Variants in EML6 observed in about 807,000 individuals in gnomAD.
EML6 encodes the protein echinoderm microtubule-associated protein-like 6.
Under a neutral mutation model 240.1 loss-of-function variants are expected in EML6, and 154 were observed. That is an observed-to-expected ratio of 0.64 (90% CI 0.56 to 0.73). The LOEUF (loss-of-function observed/expected upper bound fraction) is 0.73. Ranked by LOEUF, EML6 falls within the 30% of genes least tolerant of loss-of-function variation. The pLI is 0.00. For synonymous variants in EML6, 1,148 were observed against 899.0 expected, an observed-to-expected ratio of 1.28 and a Z score of -4.95; for missense variants, 2,964 against 2,474.6, an observed-to-expected ratio of 1.20 and a Z score of -4.20.
At chr2:54,949,138 G>A (rs558401600) in intron 29 of EML6, among the ~76,000 whole-genome samples, 178 bp downstream of exon 29, 1 of 152,014 alleles carries the variant, frequency 6.6e-6, no homozygotes, top group African/African-American at 2.4e-5. Context: ...GACCAGAGTC[G>A]CAGCCACTGT....
Position 54,959,220 on chromosome 2 carries a change from C to A in EML6, c.4812C>A (p.Thr1604=). ...HTGPVFTMYT[T]LRDGLIVTGG... is the part of the protein sequence containing the mutation. ...GCCCCGTGTTCACAATGTACACAACCCTTCGGGATGGACTCATAGTGACCG... is the reference window on the plus strand; with the variant it reads ...GCCCCGTGTTCACAATGTACACAACACTTCGGGATGGACTCATAGTGACCG... The change falls in exon 34 of 42, where the codon ACC becomes ACA. Residue 1604 remains threonine (T), a synonymous_variant. Coordinates refer to ENST00000356458, the MANE Select transcript of EML6 (RefSeq NM_001039753.4). 1 of 1,551,054 alleles carries A rather than the reference C, an allele frequency of 6.4e-7. No homozygotes were observed. The highest frequency in any genetic ancestry group is 8.7e-7 in the Non-Finnish European group (1 of 1,146,718).
At chr2:54,834,341 T>G (rs1469998910) in intron 7 of EML6, among the ~76,000 whole-genome samples, 1 of 152,136 alleles carries the variant, frequency 6.6e-6, no homozygotes, top group East Asian at 1.9e-4. Context: ...TTGAGTAACT[T>G]ATAGTGGTGG....
Position 54,962,673 on chromosome 2 carries a change from A to G in EML6, c.5119A>G (p.Asn1707Asp), listed in dbSNP as rs1310363089. ...CAAGGACCTCTTCATCTCTGCCAGC[A>G]ACGATGGCACAGCCCGGATCTGGGA... The part of the protein sequence containing the change: ...PSKDLFISAS[N>D]DGTARIWDLA... The change falls in exon 36 of 42, where the codon AAC (asparagine) becomes GAC (aspartate). Residue 1707 changes from asparagine to aspartate, a missense_variant. Physicochemically the swap from Asn to Asp is conservative, Grantham distance 23. Transcript: ENST00000356458. 1 of 1,528,910 alleles carries G rather than the reference A, an allele frequency of 6.5e-7. No individual in the cohort carries two copies. Among genetic ancestry groups the G allele is most frequent in the Non-Finnish European group, 8.8e-7 (1 of 1,135,872 alleles). The allele number at this position is 1,528,910 out of a possible 1,614,324, so 94.7% of individuals were successfully genotyped here. A position where few individuals can be genotyped will look rare whatever the true frequency, so the allele number is the denominator to read the frequency against.
intron 26 of EML6, among the ~76,000 whole-genome samples, chr2:54,927,476 T>G (rs926584421): frequency 2.0e-4 from 31 of 152,206 alleles, no homozygotes; most frequent in African/African-American, 6.8e-4. Flanking sequence ...AGGTATTCCC[T>G]CGGAGTCGCT....
chr2:54,871,979 A>C (rs1002136677), intron 16 of EML6, among the ~76,000 whole-genome samples: 1 of 152,214 alleles, frequency 6.6e-6, no homozygotes, highest in Non-Finnish European at 1.5e-5. Flanking sequence ...TCAGAACATC[A>C]ATTTCATCTC....
At position 54,947,860 on chromosome 2, in the gene EML6, C is replaced by A. The variant is rs145405712; in HGVS notation, c.4005-1022C>A. On this transcript the variant is annotated intron_variant, in intron 28 of 41. Coordinates refer to ENST00000356458, the MANE Select transcript of EML6 (RefSeq NM_001039753.4). ...GCACTCTTTCATTTCTGTTTTAGTT[C>A]TTTGCTGGCATGCTGGGGAAGCATG... Among the ~76,000 whole-genome samples, 323 of 152,236 alleles carry A rather than the reference C, an allele frequency of 2.1e-3. 1 individual carries two copies. Among genetic ancestry groups the A allele is most frequent in the African/African-American group, 6.8e-3 (283 of 41,530 alleles).
chr2:54,889,794 C>T (rs886374079), intron 17 of EML6, among the ~76,000 whole-genome samples: 1 of 152,094 alleles, frequency 6.6e-6, no homozygotes, highest in African/African-American at 2.4e-5. Context: ...TTTATATGTT[C>T]AATACGATGT....
intron 2 of EML6, among the ~76,000 whole-genome samples, chr2:54,762,683 A>C (rs1267397404): frequency 6.6e-6 from 1 of 152,160 alleles, no homozygotes; most frequent in Non-Finnish European, 1.5e-5. Context: ...TAGGAACTCC[A>C]TTTATCTATT....
rs1275159848 is a variant in EML6, at chr2:54,959,214, C to T, written c.4806C>T (p.Tyr1602=). 1.9e-6 allele frequency: 3 copies of T among 1,551,470 alleles called. No homozygotes were observed. Among genetic ancestry groups the T allele is most frequent in the Non-Finnish European group, 2.6e-6 (3 of 1,146,904 alleles). ...KAHTGPVFTM[Y]TTLRDGLIVT... ...ACACAGGCCCCGTGTTCACAATGTA[C>T]ACAACCCTTCGGGATGGACTCATAG... The change falls in exon 34 of 42, where the codon TAC becomes TAT. Residue 1602 remains tyrosine (Y), a synonymous_variant. Coordinates refer to ENST00000356458, the MANE Select transcript of EML6 (RefSeq NM_001039753.4).
At position 54,849,967 on chromosome 2, in the gene EML6, T is replaced by C. The variant is rs989836927; in HGVS notation, c.1193T>C (p.Met398Thr). The change falls in exon 10 of 42, where the codon ATG becomes ACG. Residue 398 changes from methionine (M) to threonine (T), a missense_variant. Physicochemically the swap from Met to Thr is moderately conservative, Grantham distance 81 (BLOSUM62 -1). Coordinates refer to ENST00000356458, the MANE Select transcript of EML6 (RefSeq NM_001039753.4). ...GSFIVLRVRDMTEVVHIKDRK... is the reference protein window; with the variant it reads ...GSFIVLRVRDTTEVVHIKDRK... ...TTTGCTTTTTATTCTTACAGAGATA[T>C]GACAGAAGTAGTTCACATCAAAGAT... is the stretch of plus-strand genomic sequence containing the variant. The C allele has an allele frequency of 2.6e-6, 4 of 1,550,922 alleles. No individual in the cohort carries two copies. The Admixed American group carries it at 5.9e-5, about 23-fold the overall frequency.
At chr2:54,871,236 G>A (rs1419010609) in intron 15 of EML6, among the ~76,000 whole-genome samples, 5 of 152,180 alleles carry the variant, frequency 3.3e-5, no homozygotes. Flanking sequence ...AGGCACAGTG[G>A]ACATTTGAAT....
rs1558602998 is a variant in EML6, at chr2:54,844,053, C to G, written c.854C>G (p.Ser285Cys). 6.5e-7 allele frequency: 1 copy of G among 1,548,458 alleles called. No homozygotes were observed. The highest frequency in any genetic ancestry group is 1.2e-5 in the South Asian group (1 of 83,964). Reference sequence around the variant, plus strand: ...TTTTACTTATTTTTGTCAGGCCTCTCTATCCGGAGCGTGTGCTGGAAAGCA... The same window carrying G: ...TTTTACTTATTTTTGTCAGGCCTCTGTATCCGGAGCGTGTGCTGGAAAGCA... ...RETEQGYKGL[S>C]IRSVCWKADR... Residue 285 changes from serine (S) to cysteine (C), a missense_variant, in exon 8 of 42, where the codon TCT becomes TGT. Ser to Cys is a moderately radical substitution (Grantham distance 112). Coordinates refer to ENST00000356458, the MANE Select transcript of EML6 (RefSeq NM_001039753.4).
intron 17 of EML6, chr2:54,880,652 C>G (rs1671764145): frequency 6.6e-6 from 1 of 152,166 alleles, no homozygotes; most frequent in South Asian, 2.1e-4. Context: ...CATAAATCTG[C>G]CTGCCCAAGT....
At chr2:54,901,281 A>G (rs141222028) in intron 22 of EML6, among the ~76,000 whole-genome samples, 78 of 152,298 alleles carry the variant, frequency 5.1e-4, no homozygotes, top group African/African-American at 1.8e-3. Flanking sequence ...GCTTAACACT[A>G]TTTCCCTCTG....
At chr2:54,804,336 A>T (rs1670351313) in intron 2 of EML6, among the ~76,000 whole-genome samples, 1 of 152,252 alleles carries the variant, frequency 6.6e-6, no homozygotes, top group Admixed American at 6.5e-5. Context: ...GGAGGAAAAA[A>T]GGATGACTAG....
In EML6 at chr2:54,962,225, A is replaced by AT. The variant is rs530226854; in HGVS notation, c.4969-291dup. Reference sequence around the variant, plus strand: ...TTTTCTAATAATAGTGGTGTTTTAAATTTTTTTAACTGTGGCCAAATAGAC... The same window carrying AT: ...TTTTCTAATAATAGTGGTGTTTTAAATTTTTTTTAACTGTGGCCAAATAGAC... On this transcript the variant is annotated intron_variant, in intron 35 of 41. Coordinates refer to ENST00000356458, the MANE Select transcript of EML6 (RefSeq NM_001039753.4). Among the ~76,000 whole-genome samples, 663 of 151,740 alleles carry AT rather than the reference A, an allele frequency of 4.4e-3. 5 individuals are homozygous for AT. Among genetic ancestry groups the AT allele is most frequent in the African/African-American group, 0.015 (636 of 41,404 alleles).
intron 39 of EML6, 21 bp from the exon 40 acceptor site, chr2:54,968,107 C>A (rs181554210): frequency 6.5e-7 from 1 of 1,550,016 alleles, no homozygotes; most frequent in African/African-American, 1.4e-5. Flanking sequence ...TCTATCCTAA[C>A]CCCTCTTTCT....
rs908005333 is a variant in EML6 at position 54,891,045 on chromosome 2, C to T, written c.2439-9C>T. On this transcript the variant is annotated splice_polypyrimidine_tract_variant and intron_variant, in intron 17 of 41. Transcript: ENST00000356458. Reference sequence around the variant, plus strand: ...AACTAGAATCTTATTTCCTATTTGTCTCTTACAGAGGACATAAAGATAAGA... The same window carrying T: ...AACTAGAATCTTATTTCCTATTTGTTTCTTACAGAGGACATAAAGATAAGA... The T allele has an allele frequency of 5.0e-5, 67 of 1,330,518 alleles. No homozygotes were observed. The highest frequency in any genetic ancestry group is 6.7e-5 in the Non-Finnish European group (65 of 969,124). The allele number at this position is 1,330,518 out of a possible 1,614,324, so 82.4% of individuals were successfully genotyped here.
intron 29 of EML6, among the ~76,000 whole-genome samples, chr2:54,949,678 G>T (rs1675874837): frequency 1.3e-5 from 2 of 152,182 alleles, no homozygotes; most frequent in Admixed American, 1.3e-4. Context: ...CTGGCCTTCA[G>T]ACCTGGGAGA....
Sources: allele counts gnomAD v4.1 joint callset (sites outside exome capture counted in the v4.1 genomes callset), GRCh38; gene constraint gnomAD v4.1.1; transcripts MANE v1.5; gene names NCBI Gene and HGNC (gene_info 2026-07-23, HGNC 2026-07-21).